DHX32: variants seen among roughly 807,000 people sequenced by gnomAD.
DHX32 encodes the protein DEAH-box helicase 32 (putative).
DHX32 carries 51 observed loss-of-function variants against 70.0 expected under a neutral mutation model. The observed-to-expected ratio is 0.73, with a 90% confidence interval of 0.58 to 0.92. The LOEUF is 0.92. Among genes scored for constraint, DHX32 ranks in the 40% least tolerant of loss-of-function variants. The pLI, the probability that DHX32 is intolerant of heterozygous loss-of-function variation, is 0.00. For missense variants in DHX32, 762 were observed against 891.8 expected, an observed-to-expected ratio of 0.85 and a Z score of 1.85; for synonymous variants, 310 against 315.3, an observed-to-expected ratio of 0.98 and a Z score of 0.18.
At chr10:125,880,234 A>G (rs1165062072) in intron 1 of DHX32, among the ~76,000 whole-genome samples, 1 of 152,156 alleles carries the variant, frequency 6.6e-6, no homozygotes, top group African/African-American at 2.4e-5. Context: ...CATCTTTTAA[A>G]ATATCATATA....
At position 125,867,009 on chromosome 10, in the gene DHX32, T is replaced by TA. The variant is rs1409660523; in HGVS notation, c.456dup (p.Thr153TyrfsTer11). The TA allele has an allele frequency of 6.2e-7, 1 of 1,613,950 alleles. No individual in the cohort carries two copies. On this transcript the variant is annotated frameshift_variant, in exon 2 of 11. Transcript: ENST00000284690. LOFTEE classifies it high-confidence loss of function. ...ACCAACCTCAGGATTGTTTCGTTGG[T>TA]ACAGCAGTTCTCGAAAGGGATCACG...
intron 1 of DHX32, among the ~76,000 whole-genome samples, chr10:125,870,445 G>A (rs530142821): frequency 3.9e-5 from 6 of 152,162 alleles, no homozygotes; most frequent in East Asian, 1.9e-4. Context: ...GTTTCTTGGC[G>A]AGTATAATTG....
intron 10 of DHX32, 79 bp downstream of exon 10, chr10:125,838,127 T>G: frequency 7.1e-7 from 1 of 1,405,898 alleles, no homozygotes; most frequent in African/African-American, 1.4e-5. Context: ...GAACTAAGAA[T>G]AAAAGCCAAA....
chr10:125,837,865 C>T (rs958505696), intron 10 of DHX32, among the ~76,000 whole-genome samples: 11 of 152,202 alleles, frequency 7.2e-5, no homozygotes, highest in Admixed American at 2.0e-4. Flanking sequence ...TCCTCTTCCC[C>T]GACAGCTCCA....
At chr10:125,852,256 A>T (rs774631400) in intron 6 of DHX32, 37 bp downstream of exon 6, 1 of 1,605,764 alleles carries the variant, frequency 6.2e-7, no homozygotes, top group South Asian at 1.1e-5. Context: ...GGTGAATCTC[A>T]GCCTAATGCC....
In DHX32 at chr10:125,859,896, C is replaced by CAG. The variant is rs772737877; in HGVS notation, c.555_556insCT (p.Asp186LeufsTer22). Reference sequence around the variant, plus strand: ...GTTGCAATGCTTCTTTCATGAATATCATCTAAGATGATGACCCCATAGCTA... The same window carrying CAG: ...GTTGCAATGCTTCTTTCATGAATATCAGATCTAAGATGATGACCCCATAGCTA... On this transcript the variant is annotated frameshift_variant, in exon 3 of 11. Transcript: ENST00000284690. LOFTEE classifies it high-confidence loss of function. The CAG allele has an allele frequency of 6.2e-7, 1 of 1,613,946 alleles. No homozygotes were observed. The highest frequency in any genetic ancestry group is 1.7e-5 in the Admixed American group (1 of 60,004).
chr10:125,869,609 G>A (rs1284358096), intron 1 of DHX32: 2 of 152,188 alleles, frequency 1.3e-5, no homozygotes, highest in African/African-American at 4.8e-5. Flanking sequence ...AGTAGAGACA[G>A]GGTCTCGCTC....
chr10:125,847,754 C>T (rs1039580576), intron 6 of DHX32, among the ~76,000 whole-genome samples: 8 of 152,102 alleles, frequency 5.3e-5, no homozygotes, highest in Non-Finnish European at 1.0e-4. Flanking sequence ...TGTAACTAGA[C>T]GGTCCCATCT....
chr10:125,863,416 AAT>A (rs1278201910), intron 2 of DHX32, among the ~76,000 whole-genome samples: 2 of 152,334 alleles, frequency 1.3e-5, no homozygotes, highest in African/African-American at 4.8e-5. Flanking sequence ...GACAGTATCA[AAT>A]ATAGACTACT....
rs1854705438 is a variant in DHX32, at chr10:125,836,842, C to G, written c.2077G>C (p.Val693Leu). 6.2e-7 allele frequency: 1 copy of G among 1,613,882 alleles called. No homozygotes were observed. Among genetic ancestry groups the G allele is most frequent in the African/African-American group, 1.3e-5 (1 of 74,876 alleles). The change falls in exon 11 of 11, where the codon GTA becomes CTA. Residue 693 changes from valine (V) to leucine (L), a missense_variant. Physicochemically the swap from Val to Leu is conservative, Grantham distance 32 (BLOSUM62 1). This residue lies in a region of DHX32 where 366 missense variants were observed against 402.6 expected (regional missense o/e 0.91). Transcript: ENST00000284690. ...AGATTACTGAAATAGTATTGTGGTA[C>G]CAGCTGCATAAATCTGTTTATTTAA... is the stretch of plus-strand genomic sequence containing the variant. ...EISPELFMQL[V>L]PQYYFSNLPP...
intron 1 of DHX32, among the ~76,000 whole-genome samples, chr10:125,894,363 T>G (rs1944395025): frequency 6.6e-6 from 1 of 152,188 alleles, no homozygotes; most frequent in South Asian, 2.1e-4. Context: ...CACAAGGTGA[T>G]AGAGGAAGAG....
At chr10:125,856,320 C>T (rs1046193827) in intron 3 of DHX32, among the ~76,000 whole-genome samples, 3 of 152,210 alleles carry the variant, frequency 2.0e-5, no homozygotes, top group Non-Finnish European at 4.4e-5. Flanking sequence ...AACCTCCAAC[C>T]TAAAAACACC....
In DHX32 at chr10:125,859,828, T is replaced by C; in HGVS notation, c.624A>G (p.Arg208=). ...LGLLKDVLLA[R]PELKLIINSS... The stretch of plus-strand genomic sequence containing the variant: ...AGTTAATTATGAGCTTCAGTTCTGG[T>C]CTTGCTAGTAAAACATCTTTAAGAA... The change falls in exon 3 of 11, where the codon AGA becomes AGG. Residue 208 remains arginine (R), a synonymous_variant. Coordinates refer to ENST00000284690, the MANE Select transcript of DHX32 (RefSeq NM_018180.3). 3 of 1,614,092 alleles carry C rather than the reference T, an allele frequency of 1.9e-6. No individual in the cohort carries two copies. The highest frequency in any genetic ancestry group is 2.2e-5 in the East Asian group (1 of 44,866).
rs1183702644 is a variant in DHX32, at chr10:125,852,360, G to A, written c.1284C>T (p.Ser428=). The stretch of plus-strand genomic sequence containing the variant: ...CTATCCTCTTCATAAAAAGCACCAT[G>A]CTTGTTAGGTTGGCTTCCTGCATTT... ...PAEMQEANLT[S]MVLFMKRIDI... The change falls in exon 6 of 11, where the codon AGC becomes AGT. Residue 428 remains serine, a synonymous_variant. Coordinates refer to ENST00000284690, the MANE Select transcript of DHX32 (RefSeq NM_018180.3). The A allele has an allele frequency of 5.0e-6, 8 of 1,614,186 alleles. No individual in the cohort carries two copies. Among genetic ancestry groups the A allele is most frequent in the Non-Finnish European group, 6.8e-6 (8 of 1,180,022 alleles).
At chr10:125,889,652 C>T (rs1828974) in intron 1 of DHX32, among the ~76,000 whole-genome samples, 5 of 151,264 alleles carry the variant, frequency 3.3e-5, no homozygotes, top group South Asian at 2.1e-4. Flanking sequence ...TCACTGCAAA[C>T]CAGTAAGTCT....
chr10:125,884,754 C>T (rs1014772100), upstream of DHX32, among the ~76,000 whole-genome samples: 2 of 151,688 alleles, frequency 1.3e-5, no homozygotes, highest in East Asian at 3.9e-4. Context: ...TCCTGAGTAA[C>T]TTATGTTTCA....
In DHX32 at chr10:125,838,210, C is replaced by A. The variant is rs772781463; in HGVS notation, c.2059G>T (p.Glu687Ter). ...YIRITSEISPELFMQLVPQYY... is the reference protein window; with the variant it reads ...YIRITSEISP ...TTTCTTCTCCATTAAACTTACAGTT[C>A]AGGAGAGATTTCTGAGGTAATCCTG... The change falls in exon 10 of 11, where the codon GAA (glutamate) becomes TAA (stop). Residue 687 changes from glutamate (E) to a stop codon, truncating the protein, a stop_gained. Transcript: ENST00000284690. LOFTEE classifies it high-confidence loss of function. 2 of 1,599,980 alleles carry A rather than the reference C, an allele frequency of 1.3e-6. No individual in the cohort carries two copies. Among genetic ancestry groups the A allele is most frequent in the Non-Finnish European group, 1.7e-6 (2 of 1,175,680 alleles).
At chr10:125,864,761 T>A (rs1944208919) in intron 2 of DHX32, among the ~76,000 whole-genome samples, 1 of 151,340 alleles carries the variant, frequency 6.6e-6, no homozygotes, top group Admixed American at 6.6e-5. Context: ...AAACCCCGTC[T>A]CTACTAAAAA....
upstream of DHX32, among the ~76,000 whole-genome samples, chr10:125,884,041 T>C (rs146287247): frequency 6.6e-6 from 1 of 152,320 alleles, no homozygotes; most frequent in East Asian, 1.9e-4. Context: ...GATGCTACCA[T>C]TGAATCCAAT....
Sources: gnomAD v4.1 joint callset for allele counts (sites outside exome capture counted in the v4.1 genomes callset) on GRCh38, gnomAD v4.1.1 for gene constraint, gnomAD v4.1.1 regional missense constraint, MANE v1.5 for transcripts, NCBI Gene and HGNC (gene_info 2026-07-23, HGNC 2026-07-21) for gene names.